DPH6: variants seen among roughly 807,000 people sequenced by gnomAD.
The protein encoded by DPH6 is diphthine--ammonia ligase.
DPH6 carries 33 observed loss-of-function variants against 38.2 expected under a neutral mutation model. The ratio of observed to expected loss-of-function variants is 0.86; its 90% CI spans 0.65 to 1.15. The LOEUF (loss-of-function observed/expected upper bound fraction) is 1.15. Among genes scored for constraint, DPH6 ranks in the 50% most tolerant of loss-of-function variants. The pLI, the probability that DPH6 is intolerant of heterozygous loss-of-function variation, is 0.00. For missense variants in DPH6, 325 were observed against 320.0 expected, an observed-to-expected ratio of 1.02 and a Z score of -0.12; for synonymous variants, 108 against 103.0, an observed-to-expected ratio of 1.05 and a Z score of -0.30.
chr15:35,388,189 AG>A (rs1173472079), intron 6 of DPH6, among the ~76,000 whole-genome samples: 1 of 152,204 alleles, frequency 6.6e-6, no homozygotes, highest in Non-Finnish European at 1.5e-5. Context: ...CCAGGGATGA[AG>A]CCCACTTGAT....
chr15:35,408,736 A>T (rs2053327229), intron 6 of DPH6, among the ~76,000 whole-genome samples: 1 of 152,014 alleles, frequency 6.6e-6, no homozygotes, highest in South Asian at 2.1e-4. Context: ...AAGGACTAAG[A>T]AGTATCTATT....
At chr15:35,308,836 T>C (rs1280143770) in intron 3 of DPH6, among the ~76,000 whole-genome samples, 1 of 152,230 alleles carries the variant, frequency 6.6e-6, no homozygotes, top group Non-Finnish European at 1.5e-5. Flanking sequence ...ATCTGAAAGT[T>C]AGCAGATAAG....
chr15:35,545,204 A>G (rs377698520), intron 1 of DPH6, among the ~76,000 whole-genome samples: 4 of 152,244 alleles, frequency 2.6e-5, no homozygotes, highest in African/African-American at 7.2e-5. Context: ...AAGACACTCT[A>G]CAGGGCAAAA....
chr15:35,339,147 C>G (rs927083113), intron 3 of DPH6, among the ~76,000 whole-genome samples: 1 of 151,658 alleles, frequency 6.6e-6, no homozygotes, highest in Non-Finnish European at 1.5e-5. Context: ...CAAACCTGCA[C>G]GTTGTGCATA....
At chr15:35,348,831 T>C (rs1475903848) in intron 3 of DPH6, among the ~76,000 whole-genome samples, 1 of 152,150 alleles carries the variant, frequency 6.6e-6, no homozygotes, top group Non-Finnish European at 1.5e-5. Context: ...TTCAGCAATG[T>C]TTTAGAATTC....
At chr15:35,343,425 A>G (rs2052437643) in intron 3 of DPH6, among the ~76,000 whole-genome samples, 2 of 152,078 alleles carry the variant, frequency 1.3e-5, no homozygotes, top group African/African-American at 4.8e-5. Flanking sequence ...TTATTCTTAA[A>G]TAATCACCCT....
chr15:35,317,590 C>CAAAAAAAAAAAAG (rs61113463), intron 3 of DPH6, among the ~76,000 whole-genome samples: 17 of 73,802 alleles, frequency 2.3e-4, no homozygotes, highest in Middle Eastern at 7.9e-3. Flanking sequence ...TTCTGCTGGA[C>CAAAAAAAAAAAAG]AAAAAAAAAA....
At chr15:35,178,985 T>A in the DPH6 span, among the ~76,000 whole-genome samples, 1 of 152,096 alleles carries the variant, frequency 6.6e-6, no homozygotes, top group African/African-American at 2.4e-5. Flanking sequence ...AGCAGGTGGA[T>A]CACCTGAGGT....
chr15:35,469,096 C>G (rs983645478), intron 3 of DPH6, among the ~76,000 whole-genome samples: 51 of 151,758 alleles, frequency 3.4e-4, no homozygotes, highest in African/African-American at 1.2e-3. Flanking sequence ...ACAACAACAA[C>G]AACAACAACA....
intron 6 of DPH6, among the ~76,000 whole-genome samples, chr15:35,393,731 C>T (rs1184920342): frequency 6.6e-6 from 1 of 152,096 alleles, no homozygotes; most frequent in Non-Finnish European, 1.5e-5. Flanking sequence ...CAGAAAGTGA[C>T]CTTCCTGCTT....
chr15:35,285,159 T>TA (rs374656928), intron 3 of DPH6, among the ~76,000 whole-genome samples: 44 of 152,052 alleles, frequency 2.9e-4, no homozygotes, highest in Non-Finnish European at 5.6e-4. Context: ...CTGGTCGGGA[T>TA]AAAAAAAATT....
chr15:35,458,227 C>T (rs1004945447), intron 3 of DPH6, among the ~76,000 whole-genome samples: 4 of 152,094 alleles, frequency 2.6e-5, no homozygotes, highest in African/African-American at 9.7e-5. Flanking sequence ...AGAGGGCTGA[C>T]CGTACTGCTA....
At chr15:35,374,451 A>C (rs1471287310) in intron 7 of DPH6, among the ~76,000 whole-genome samples, 1 of 152,070 alleles carries the variant, frequency 6.6e-6, no homozygotes, top group Admixed American at 6.6e-5. Flanking sequence ...CTAATGTAAA[A>C]ATATTTTTGA....
At chr15:35,456,766 G>A (rs1024086656) in intron 3 of DPH6, among the ~76,000 whole-genome samples, 2 of 151,558 alleles carry the variant, frequency 1.3e-5, no homozygotes, top group East Asian at 2.0e-4. Context: ...GATTACAGGC[G>A]TGAGCCACTG....
At chr15:35,384,942 C>G (rs1298204982) in intron 6 of DPH6, among the ~76,000 whole-genome samples, 1 of 152,038 alleles carries the variant, frequency 6.6e-6, no homozygotes, top group African/African-American at 2.4e-5. Context: ...ACAACCCCAT[C>G]AAAAAGTAGG....
At chr15:35,353,597 T>G (rs2052534355) in intron 3 of DPH6, among the ~76,000 whole-genome samples, 1 of 152,196 alleles carries the variant, frequency 6.6e-6, no homozygotes, top group Non-Finnish European at 1.5e-5. Flanking sequence ...TGTAGATATG[T>G]GGCGTTATTT....
chr15:35,220,572 T>C (rs373982908), exon 4 of DPH6: 2 of 152,186 alleles, frequency 1.3e-5, no homozygotes, highest in Non-Finnish European at 2.9e-5. Flanking sequence ...AACATGTTGG[T>C]AGGCATCACA....
the DPH6 span, among the ~76,000 whole-genome samples, chr15:35,195,657 G>A: frequency 6.6e-6 from 1 of 152,186 alleles, no homozygotes; most frequent in Non-Finnish European, 1.5e-5. Flanking sequence ...GACAATTAAA[G>A]TATTTAAAAA....
the DPH6 span, among the ~76,000 whole-genome samples, chr15:35,196,210 G>A: frequency 1.3e-5 from 2 of 152,288 alleles, no homozygotes; most frequent in East Asian, 3.9e-4. Flanking sequence ...ATTGTGCTAT[G>A]CTAATTAGAA....
Sources: gnomAD v4.1 joint callset for allele counts (sites outside exome capture counted in the v4.1 genomes callset) on GRCh38, gnomAD v4.1.1 for gene constraint, MANE v1.5 for transcripts, NCBI Gene and HGNC (gene_info 2026-07-23, HGNC 2026-07-21) for gene names.